PLA2G4D: variants seen among roughly 807,000 people sequenced by gnomAD.
PLA2G4D encodes the protein phospholipase A2 group IVD.
A neutral mutation model predicts 94.4 loss-of-function variants in PLA2G4D; 80 were observed. The observed-to-expected ratio is 0.85, with a 90% CI of 0.71 to 1.02. PLA2G4D has a LOEUF of 1.02. PLA2G4D is among the 50% of genes least tolerant of loss of function. The pLI is 0.00. For synonymous variants in PLA2G4D, 438 were observed against 440.9 expected (o/e 0.99, Z 0.08); for missense variants, 1,050 against 1,034.7 (o/e 1.01, Z -0.20).
chr15:42,070,649 G>C, intron 18 of PLA2G4D, 68 bp downstream of exon 18: 1 of 1,483,772 alleles, frequency 6.7e-7, no homozygotes, highest in Non-Finnish European at 9.1e-7. Context: ...GGGCTCAGTG[G>C]CCCTGCTGCT....
At chr15:42,075,021 T>C (rs988885634) in intron 13 of PLA2G4D, among the ~76,000 whole-genome samples, 2 of 152,200 alleles carry the variant, frequency 1.3e-5, no homozygotes, top group Admixed American at 1.3e-4. Flanking sequence ...CCTCCCATGT[T>C]CAAGCTATCC....
At chr15:42,069,514 C>T (rs778035045) in intron 19 of PLA2G4D, among the ~76,000 whole-genome samples, 4 of 152,080 alleles carry the variant, frequency 2.6e-5, no homozygotes, top group Non-Finnish European at 5.9e-5. Context: ...GTTTAAATTT[C>T]GGGAGCCCCT....
intron 1 of PLA2G4D, among the ~76,000 whole-genome samples, chr15:42,088,672 A>G (rs1043226813): frequency 7.9e-5 from 12 of 152,164 alleles, no homozygotes; most frequent in African/African-American, 2.7e-4. Flanking sequence ...GGCTGACCCC[A>G]AGGAAGGCTG....
At chr15:42,085,233 G>T in intron 5 of PLA2G4D, 95 bp from the exon 6 acceptor site, 2 of 1,430,530 alleles carry the variant, frequency 1.4e-6, no homozygotes, top group Non-Finnish European at 2.0e-6. Flanking sequence ...TGAGGGCTCT[G>T]TAAGTCCTGG....
chr15:42,091,227 C>T (rs1422686708), intron 1 of PLA2G4D, among the ~76,000 whole-genome samples: 2 of 152,160 alleles, frequency 1.3e-5, no homozygotes, highest in East Asian at 3.9e-4. Flanking sequence ...AAATATAAAA[C>T]AAGAATAGTT....
intron 19 of PLA2G4D, among the ~76,000 whole-genome samples, chr15:42,069,699 T>C (rs1889762087): frequency 1.3e-5 from 2 of 152,182 alleles, no homozygotes; most frequent in African/African-American, 2.4e-5. Flanking sequence ...GACCCCTGCA[T>C]AGCGACCCTG....
At chr15:42,091,901 C>T (rs1890252091) in intron 1 of PLA2G4D, among the ~76,000 whole-genome samples, 1 of 152,210 alleles carries the variant, frequency 6.6e-6, no homozygotes, top group Non-Finnish European at 1.5e-5. Context: ...CCAGTGGACA[C>T]GTGACCCACG....
Position 42,084,176 on chromosome 15 carries a change from C to T in PLA2G4D, c.472-397G>A, listed in dbSNP as rs1316024180. 5.5e-5 allele frequency: 11 copies of T among 199,320 alleles called. No homozygotes were observed. The highest frequency in any genetic ancestry group is 2.2e-4 in the Admixed American group (4 of 18,546). The allele number at this position is 199,320 out of a possible 1,614,324, so 12.3% of individuals were successfully genotyped here. On this transcript the variant is annotated intron_variant, in intron 6 of 19. Transcript: ENST00000290472. The surrounding 1 kb of genome is among the most constrained non-coding windows in gnomAD (Gnocchi z 4.8). ...ATCCATAGGAGGGTAGACGGGGCGT[C>T]GGACAAACCCTCAGAACGTCTCCTG...
chr15:42,077,251 T>C (rs777256107), intron 13 of PLA2G4D, among the ~76,000 whole-genome samples: 22 of 152,116 alleles, frequency 1.4e-4, no homozygotes, highest in Non-Finnish European at 2.8e-4. Flanking sequence ...ACTACATTGA[T>C]ACAAAAGCCA....
Position 42,084,593 on chromosome 15 carries a change from G to A in PLA2G4D, c.471+503C>T, listed in dbSNP as rs1248606650. Among the ~76,000 whole-genome samples, 1 of 152,038 alleles carries A rather than the reference G, an allele frequency of 6.6e-6. No individual in the cohort carries two copies. Among genetic ancestry groups the A allele is most frequent in the Non-Finnish European group, 1.5e-5 (1 of 68,002 alleles). The stretch of plus-strand genomic sequence containing the variant: ...GGCCATTTCTGTCCACTGCAGCTTC[G>A]TGAGCCCGTGGTCAGGAGCGCTGAC... On this transcript the variant is annotated intron_variant, in intron 6 of 19. Transcript: ENST00000290472. This position sits in a 1 kb window ranked among gnomAD's most constrained non-coding sequence, Gnocchi z 4.8.
At chr15:42,078,927 A>AT (rs920887397) in intron 13 of PLA2G4D, among the ~76,000 whole-genome samples, 3 of 152,242 alleles carry the variant, frequency 2.0e-5, no homozygotes, top group African/African-American at 2.4e-5. Flanking sequence ...CAGCATTGTA[A>AT]TTTTTTTAAA....
chr15:42,091,980 C>A lies in PLA2G4D; in HGVS notation c.45+2435G>T, dbSNP rs536697183. Among the ~76,000 whole-genome samples the A allele has an allele frequency of 3.3e-5, 5 of 152,290 alleles. No individual in the cohort carries two copies. The South Asian group carries it at 1.0e-3, about 32-fold the overall frequency. On this transcript the variant is annotated intron_variant, in intron 1 of 19. Transcript: ENST00000290472. ...CCCCTTTTGCTTTGTATCCAATAAA[C>A]AACAGCACAGCCAGACATTCAGGGC...
Position 42,068,094 on chromosome 15 carries a change from C to T in PLA2G4D, c.*621G>A, listed in dbSNP as rs1169242141. On this transcript the variant is annotated 3_prime_UTR_variant, in exon 20 of 20. Coordinates refer to ENST00000290472, the MANE Select transcript of PLA2G4D (RefSeq NM_178034.4). ...CCGGTAAACAACTTCAGCAAGATTGCGGAATACAAGATCAACATTTAAAAA... is the reference window on the plus strand; with the variant it reads ...CCGGTAAACAACTTCAGCAAGATTGTGGAATACAAGATCAACATTTAAAAA... The T allele has an allele frequency of 2.6e-5, 4 of 152,150 alleles. No homozygotes were observed. The highest frequency in any genetic ancestry group is 1.9e-4 in the East Asian group (1 of 5,202). 9.4% of individuals were successfully genotyped at this position (152,150 alleles called of 1,614,324 possible).
At chr15:42,069,034 G>A (rs1307281888) in intron 19 of PLA2G4D, 93 bp from the exon 20 acceptor site, 1 of 1,134,710 alleles carries the variant, frequency 8.8e-7, no homozygotes, top group South Asian at 1.5e-5. Context: ...CGCTGGAGGG[G>A]CCCCTGCTTT....
intron 8 of PLA2G4D, among the ~76,000 whole-genome samples, chr15:42,082,799 C>T (rs76219757): frequency 0.019 from 2,874 of 152,144 alleles, 67 homozygotes; most frequent in African/African-American, 0.054. Context: ...AGGAAGCCAG[C>T]TGGGGACAGG....
rs1364816415 is a variant in PLA2G4D at position 42,071,434 on chromosome 15, C to A, written c.1681+10G>T. Reference sequence around the variant, plus strand: ...CATCCCAGGCCCCTCAGTGCCCCTGCCCTTCCCACCTAAGCTCCTGGTCTT... The same window carrying A: ...CATCCCAGGCCCCTCAGTGCCCCTGACCTTCCCACCTAAGCTCCTGGTCTT... On this transcript the variant is annotated intron_variant, in intron 16 of 19. Transcript: ENST00000290472. 1.2e-6 allele frequency: 2 copies of A among 1,606,418 alleles called. No homozygotes were observed. Among genetic ancestry groups the A allele is most frequent in the Non-Finnish European group, 1.7e-6 (2 of 1,175,354 alleles).
At chr15:42,081,347 A>G in intron 11 of PLA2G4D, 132 bp downstream of exon 11, 1 of 1,461,926 alleles carries the variant, frequency 6.8e-7, no homozygotes, top group Non-Finnish European at 9.2e-7. Flanking sequence ...CACAAAGCCC[A>G]CTCACGCTCC....
Position 42,086,194 on chromosome 15 carries a change from T to TGGGGGGGGGGCCC in PLA2G4D, c.387+18_387+19insGGGCCCCCCCCCC. The TGGGGGGGGGGCCC allele has an allele frequency of 3.1e-5, 43 of 1,370,404 alleles. No homozygotes were observed. The highest frequency in any genetic ancestry group is 3.5e-5 in the Non-Finnish European group (37 of 1,043,046). The allele number at this position is 1,370,404 out of a possible 1,614,324, so 84.9% of individuals were successfully genotyped here. A position where few individuals can be genotyped will look rare whatever the true frequency, so the allele number is the denominator to read the frequency against. On this transcript the variant is annotated intron_variant, in intron 4 of 19. Coordinates refer to ENST00000290472, the MANE Select transcript of PLA2G4D (RefSeq NM_178034.4). ...GGAAGAAGTGGGGCCCACGGGGACT[T>TGGGGGGGGGGCCC]CCCCACCCACCCACCCACCTGGGGA... is the stretch of plus-strand genomic sequence containing the variant.
At chr15:42,087,721 C>T (rs1361854574) in intron 1 of PLA2G4D, 21 bp from the exon 2 acceptor site, 3 of 1,612,172 alleles carry the variant, frequency 1.9e-6, no homozygotes, top group Non-Finnish European at 2.5e-6. Flanking sequence ...AATCAAACTC[C>T]AGAGTCCTTC....
Sources: allele counts gnomAD v4.1 joint callset (sites outside exome capture counted in the v4.1 genomes callset), GRCh38; gene constraint gnomAD v4.1.1; non-coding constraint Gnocchi (gnomAD v3.1); transcripts MANE v1.5; gene names NCBI Gene and HGNC (gene_info 2026-07-23, HGNC 2026-07-21).